MED12L: variants seen among roughly 807,000 people sequenced by gnomAD.
MED12L encodes mediator of RNA polymerase II transcription subunit 12-like protein.
In MED12L, 60 loss-of-function variants were observed where a neutral mutation model predicts 281.3. The ratio of observed to expected loss-of-function variants is 0.21; its 90% CI spans 0.17 to 0.26. MED12L has a LOEUF of 0.26. Among genes scored for constraint, MED12L ranks in the 10% least tolerant of loss-of-function variants. MED12L has a pLI of 1.00. For synonymous variants in MED12L, 974 were observed against 987.2 expected (o/e 0.99, Z 0.25); for missense variants, 2,146 against 2,680.9 (o/e 0.80, Z 4.41).
chr3:151,274,181 C>G (rs1469068050), intron 16 of MED12L, among the ~76,000 whole-genome samples: 1 of 152,188 alleles, frequency 6.6e-6, no homozygotes, highest in African/African-American at 2.4e-5. Context: ...TTAATGTGCA[C>G]TTTGTATTTC....
At chr3:151,315,993 A>C (rs1748181790) in intron 16 of MED12L, among the ~76,000 whole-genome samples, 1 of 152,190 alleles carries the variant, frequency 6.6e-6, no homozygotes, top group Admixed American at 6.5e-5. Flanking sequence ...AAAACTTCCC[A>C]AACAGTTTGA....
chr3:151,380,055 A>G, intron 31 of MED12L, 58 bp from the exon 32 acceptor site: 7 of 1,071,468 alleles, frequency 6.5e-6, no homozygotes, highest in Non-Finnish European at 8.2e-6. Context: ...GAATGTTGCC[A>G]GAGGAAGTAA....
intron 5 of MED12L, among the ~76,000 whole-genome samples, chr3:151,149,365 G>C (rs943734078): frequency 6.6e-6 from 1 of 152,180 alleles, no homozygotes; most frequent in African/African-American, 2.4e-5. Context: ...TGGTTTCGTA[G>C]TGCATATAAA....
intron 16 of MED12L, among the ~76,000 whole-genome samples, chr3:151,223,175 CAA>C (rs10646837): frequency 7.9e-6 from 1 of 127,116 alleles, no homozygotes. Context: ...TTAAAAAGTC[CAA>C]AAAAAAAAAA....
chr3:151,209,490 C>A (rs986537656), intron 16 of MED12L, among the ~76,000 whole-genome samples: 14 of 152,036 alleles, frequency 9.2e-5, no homozygotes, highest in African/African-American at 3.4e-4. Context: ...AACGGTAATC[C>A]ACATGCCATT....
intron 16 of MED12L, chr3:151,329,074 T>C: frequency 8.2e-7 from 1 of 1,220,122 alleles, no homozygotes. Context: ...TCAAATGCTA[T>C]TTTTTAAAAA....
At chr3:151,388,899 G>C (rs1198678842) in intron 37 of MED12L, among the ~76,000 whole-genome samples, 1 of 152,174 alleles carries the variant, frequency 6.6e-6, no homozygotes, top group Non-Finnish European at 1.5e-5. Context: ...ATATTTGATA[G>C]AGGATTTGAG....
At chr3:151,340,221 C>T (rs568876379) in intron 16 of MED12L, among the ~76,000 whole-genome samples, 2 of 152,204 alleles carry the variant, frequency 1.3e-5, no homozygotes, top group East Asian at 1.9e-4. Context: ...CATCCCTGAC[C>T]GTTTTGGAAA....
intron 28 of MED12L, among the ~76,000 whole-genome samples, 168 bp downstream of exon 28, chr3:151,376,382 C>A (rs969229432): frequency 2.6e-5 from 4 of 152,114 alleles, no homozygotes; most frequent in Non-Finnish European, 4.4e-5. Flanking sequence ...GGTGGATGTA[C>A]ATGCTGCAAA....
At chr3:151,127,741 C>A in intron 4 of MED12L, 84 bp from the exon 5 acceptor site, 1 of 972,086 alleles carries the variant, frequency 1.0e-6, no homozygotes, top group Non-Finnish European at 1.5e-6. Flanking sequence ...CAGACTCTTT[C>A]TTTTGCTTCC....
At chr3:151,218,341 T>A (rs1387068177) in intron 16 of MED12L, among the ~76,000 whole-genome samples, 1 of 152,150 alleles carries the variant, frequency 6.6e-6, no homozygotes, top group Non-Finnish European at 1.5e-5. Flanking sequence ...ACAGGACTTC[T>A]GGATGATGAT....
At chr3:151,406,590 A>T (rs1934399139) in intron 39 of MED12L, among the ~76,000 whole-genome samples, 1 of 152,194 alleles carries the variant, frequency 6.6e-6, no homozygotes, top group African/African-American at 2.4e-5. Flanking sequence ...GTCAGGAGGA[A>T]ACATAATATG....
At chr3:151,140,518 GC>G (rs937140546) in intron 5 of MED12L, among the ~76,000 whole-genome samples, 1 of 152,108 alleles carries the variant, frequency 6.6e-6, no homozygotes, top group African/African-American at 2.4e-5. Flanking sequence ...CCCGATTGTT[GC>G]CCTGTGGAAA....
chr3:151,251,465 A>G (rs1736841144), intron 16 of MED12L, among the ~76,000 whole-genome samples: 1 of 151,948 alleles, frequency 6.6e-6, no homozygotes, highest in Admixed American at 6.6e-5. Flanking sequence ...CCCTGCCTTC[A>G]ATCTGCCTCC....
At chr3:151,309,144 C>T (rs1476712371) in intron 16 of MED12L, among the ~76,000 whole-genome samples, 3 of 147,062 alleles carry the variant, frequency 2.0e-5, no homozygotes, top group Non-Finnish European at 4.5e-5. Flanking sequence ...CACACACGCA[C>T]ACACACACAC....
intron 43 of MED12L, 36 bp downstream of exon 43, chr3:151,416,458 T>C: frequency 6.2e-7 from 1 of 1,604,764 alleles, no homozygotes; most frequent in Non-Finnish European, 8.5e-7. Context: ...ACATGTGGGT[T>C]TCTTCTTTAA....
Position 151,106,180 on chromosome 3 carries a change from A to G in MED12L, c.100-10158A>G, listed in dbSNP as rs561100766. Among the ~76,000 whole-genome samples the G allele has an allele frequency of 1.7e-3, 252 of 151,208 alleles. 1 individual carries two copies. Among genetic ancestry groups the G allele is most frequent in the Admixed American group, 0.013 (201 of 15,168 alleles). On this transcript the variant is annotated intron_variant, in intron 2 of 44. Transcript: ENST00000687756. ...AGTCAGTTGTCCACACTGCACTTCT[A>G]TTCAAGTCGGATAATGTCACCTTCT...
chr3:151,323,490 C>T (rs1749227476), intron 16 of MED12L, among the ~76,000 whole-genome samples: 1 of 152,166 alleles, frequency 6.6e-6, no homozygotes. Context: ...GCTCAGGCCC[C>T]CTGCAACCCT....
At chr3:151,366,318 A>G (rs1755261443) in intron 23 of MED12L, among the ~76,000 whole-genome samples, 1 of 152,174 alleles carries the variant, frequency 6.6e-6, no homozygotes, top group African/African-American at 2.4e-5. Context: ...ACTGCCCTGG[A>G]TTCCTCACAG....
Sources: allele counts gnomAD v4.1 joint callset (sites outside exome capture counted in the v4.1 genomes callset), GRCh38; gene constraint gnomAD v4.1.1; transcripts MANE v1.5; gene names NCBI Gene and HGNC (gene_info 2026-07-23, HGNC 2026-07-21).